Variants in CELA2A observed in about 807,000 individuals in gnomAD.
CELA2A encodes chymotrypsin-like elastase family member 2A.
In CELA2A, 31 loss-of-function variants were observed where a neutral mutation model predicts 35.3. That is an observed-to-expected ratio of 0.88 (90% CI 0.66 to 1.19). The LOEUF is 1.19. CELA2A is among the 50% of genes most tolerant of loss of function. CELA2A has a pLI of 0.00. For missense variants in CELA2A, 330 were observed against 352.9 expected, an observed-to-expected ratio of 0.94 and a Z score of 0.52; for synonymous variants, 150 against 149.8, an observed-to-expected ratio of 1.00 and a Z score of -0.01.
chr1:15,466,078 G>C lies in CELA2A; in HGVS notation c.573G>C (p.Trp191Cys), dbSNP rs1708513198. Residue 191 changes from tryptophan to cysteine, a missense_variant, in exon 6 of 8, where the codon TGG (tryptophan) becomes TGC (cysteine). Trp to Cys is a radical substitution (Grantham distance 215, BLOSUM62 -2). Transcript: ENST00000359621. Reference protein sequence around the residue: ...VDYATCSSSAWWGSSVKTSMI... With the variant: ...VDYATCSSSACWGSSVKTSMI... ...ATGCCACCTGCTCCAGCTCTGCCTG[G>C]TGGGGCAGCAGCGTGAAAACCAGTA... 1 of 1,614,022 alleles carries C rather than the reference G, an allele frequency of 6.2e-7. No individual in the cohort carries two copies. Among genetic ancestry groups the C allele is most frequent in the South Asian group, 1.1e-5 (1 of 91,090 alleles).
rs111335133 is a variant in CELA2A, at chr1:15,462,667, A to G, written c.228-66A>G. 2.4e-3 allele frequency: 3,824 copies of G among 1,594,634 alleles called. 71 individuals carry two copies. The African/African-American group carries it at 0.042, about 18-fold the overall frequency. ...ACGCAGCAGCCAGTTACTTGGGTCT[A>G]TCCCCAGCATTATCCAAAGCCAGGC... On this transcript the variant is annotated intron_variant, in intron 3 of 7. Coordinates refer to ENST00000359621, the MANE Select transcript of CELA2A (RefSeq NM_033440.3).
At chr1:15,468,859 G>T (rs1708555674) in intron 7 of CELA2A, among the ~76,000 whole-genome samples, 1 of 151,996 alleles carries the variant, frequency 6.6e-6, no homozygotes, top group Non-Finnish European at 1.5e-5. Context: ...GCAGCAGTAG[G>T]TGAAAGCAGC....
intron 3 of CELA2A, chr1:15,462,066 G>A (rs1190836336): frequency 2.1e-6 from 1 of 479,646 alleles, no homozygotes; most frequent in Admixed American, 2.3e-5. Flanking sequence ...AAAGGGCCTG[G>A]CACTTAGTAA....
intron 6 of CELA2A, 125 bp from the exon 7 acceptor site, chr1:15,467,261 C>T (rs1483189230): frequency 1.0e-6 from 1 of 988,120 alleles, no homozygotes; most frequent in Non-Finnish European, 1.5e-6. Flanking sequence ...TGGGCTATGA[C>T]CACAAGGGTC....
rs753239633 is a variant in CELA2A at position 15,462,827 on chromosome 1, C to G, written c.322C>G (p.His108Asp). 1 of 1,614,138 alleles carries G rather than the reference C, an allele frequency of 6.2e-7. No individual in the cohort carries two copies. Among genetic ancestry groups the G allele is most frequent in the South Asian group, 1.1e-5 (1 of 91,082 alleles). The part of the protein sequence containing the change: ...LAVSVSKIVV[H>D]KDWNSNQISK... The stretch of plus-strand genomic sequence containing the variant: ...AGTCAGTGTCTCTAAGATTGTGGTG[C>G]ACAAGGACTGGAACTCCAACCAAAT... Residue 108 changes from histidine (H) to aspartate (D), a missense_variant, in exon 4 of 8, where the codon CAC becomes GAC. By Grantham distance (81) the His-to-Asp change is moderately conservative (BLOSUM62 -1). Transcript: ENST00000359621.
At chr1:15,468,423 A>G (rs1174576693) in intron 7 of CELA2A, among the ~76,000 whole-genome samples, 2 of 152,238 alleles carry the variant, frequency 1.3e-5, no homozygotes, top group Non-Finnish European at 2.9e-5. Context: ...AACAACTCAG[A>G]GAGGTGTCTC....
At chr1:15,470,947 G>A (rs773032237) in intron 7 of CELA2A, among the ~76,000 whole-genome samples, 2 of 152,142 alleles carry the variant, frequency 1.3e-5, no homozygotes, top group African/African-American at 4.8e-5. Context: ...ATATATTTAC[G>A]TAGATAGACA....
Position 15,462,722 on chromosome 1 carries a change from C to G in CELA2A, c.228-11C>G. ...GGAGGTGACCCTCTCCCTGGGCCCC[C>G]TTTCTCCCAGCTCCTCCAGGACCTA... is the stretch of plus-strand genomic sequence containing the variant. On this transcript the variant is annotated splice_polypyrimidine_tract_variant and intron_variant, in intron 3 of 7. Transcript: ENST00000359621. 1 of 1,613,888 alleles carries G rather than the reference C, an allele frequency of 6.2e-7. No individual in the cohort carries two copies.
intron 6 of CELA2A, among the ~76,000 whole-genome samples, chr1:15,466,913 G>A (rs1708525231): frequency 6.6e-6 from 1 of 152,174 alleles, no homozygotes; most frequent in African/African-American, 2.4e-5. Context: ...TGGGGATGGA[G>A]TAGGAAAGAG....
chr1:15,458,227 C>T (rs781643063), intron 2 of CELA2A, among the ~76,000 whole-genome samples: 4 of 152,058 alleles, frequency 2.6e-5, no homozygotes, highest in Admixed American at 6.6e-5. Context: ...TTCTTTAAAG[C>T]AGAGCAGTAA....
At chr1:15,461,484 C>T in intron 2 of CELA2A, 77 bp from the exon 3 acceptor site, 1 of 1,525,910 alleles carries the variant, frequency 6.6e-7, no homozygotes, top group Non-Finnish European at 9.0e-7. Flanking sequence ...TGTCCCAGCC[C>T]CGTTCTTGGG....
chr1:15,471,869 C>T, intron 7 of CELA2A, 121 bp from the exon 8 acceptor site: 6 of 1,177,030 alleles, frequency 5.1e-6, no homozygotes, highest in Non-Finnish European at 6.4e-6. Flanking sequence ...GCAGGAGCTA[C>T]TGTAGTGTGG....
intron 2 of CELA2A, chr1:15,457,589 A>G: frequency 6.4e-6 from 1 of 155,792 alleles, no homozygotes; most frequent in Non-Finnish European, 1.4e-5. Context: ...CAGCCTGGGC[A>G]ACAAAGCAAG....
At position 15,463,676 on chromosome 1, in the gene CELA2A, G is replaced by T. The variant is rs1455804917; in HGVS notation, c.493+154G>T. Among the ~76,000 whole-genome samples, 4 of 152,134 alleles carry T rather than the reference G, an allele frequency of 2.6e-5. No individual in the cohort carries two copies. The South Asian group carries it at 8.3e-4, about 31-fold the overall frequency. ...GGCTGACGCCTGCCTGGGATCAAAT[G>T]TCAGCTCTCCCACTTAATGACTGTG... On this transcript the variant is annotated intron_variant, in intron 5 of 7. Transcript: ENST00000359621.
At chr1:15,464,755 C>T (rs573253542) in intron 5 of CELA2A, among the ~76,000 whole-genome samples, 94 of 152,166 alleles carry the variant, frequency 6.2e-4, no homozygotes, top group South Asian at 1.7e-3. Flanking sequence ...CTGGGGCAGG[C>T]GCATTTCATC....
In CELA2A at chr1:15,467,453, G is replaced by C. The variant is rs1329599435; in HGVS notation, c.707G>C (p.Ser236Thr). 10 of 1,614,034 alleles carry C rather than the reference G, an allele frequency of 6.2e-6. No homozygotes were observed. The highest frequency in any genetic ancestry group is 8.5e-6 in the Non-Finnish European group (10 of 1,180,060). The change falls in exon 7 of 8, where the codon AGC (serine) becomes ACC (threonine). Residue 236 changes from serine to threonine, a missense_variant. By Grantham distance (58) the Ser-to-Thr change is moderately conservative. Transcript: ENST00000359621. ...CGGTGGCAGGTGCACGGCATCGTCA[G>C]CTTCGGGTCTCGCCTCGGCTGCAAC... ...DGRWQVHGIV[S>T]FGSRLGCNYY... is the part of the protein sequence containing the mutation.
intron 2 of CELA2A, among the ~76,000 whole-genome samples, chr1:15,458,419 G>A (rs1476723591): frequency 1.3e-5 from 2 of 152,126 alleles, no homozygotes; most frequent in Admixed American, 1.3e-4. Context: ...TTGGTTACAT[G>A]TTTAATCAAA....
chr1:15,462,538 A>G (rs574963183), intron 3 of CELA2A, among the ~76,000 whole-genome samples, 195 bp from the exon 4 acceptor site: 17 of 152,190 alleles, frequency 1.1e-4, no homozygotes, highest in Non-Finnish European at 2.2e-4. Flanking sequence ...GTATAGTAAC[A>G]ATTATTATAT....
At position 15,467,368 on chromosome 1, in the gene CELA2A, A is replaced by G. The variant is rs1708532325; in HGVS notation, c.640-18A>G. The G allele has an allele frequency of 6.2e-7, 1 of 1,611,408 alleles. No individual in the cohort carries two copies. The highest frequency in any genetic ancestry group is 8.5e-7 in the Non-Finnish European group (1 of 1,179,864). On this transcript the variant is annotated intron_variant, in intron 6 of 7. Coordinates refer to ENST00000359621, the MANE Select transcript of CELA2A (RefSeq NM_033440.3). ...CCTTCCTCTCCCTTTACCTGCCTAT[A>G]ACTCTGGCCTTCCTCAGGGAGACTC...
Sources: allele counts gnomAD v4.1 joint callset (sites outside exome capture counted in the v4.1 genomes callset), GRCh38; gene constraint gnomAD v4.1.1; transcripts MANE v1.5; gene names NCBI Gene and HGNC (gene_info 2026-07-23, HGNC 2026-07-21).